Variants in PRKD1 observed in about 807,000 individuals in gnomAD.
PRKD1 encodes serine/threonine-protein kinase D1.
In PRKD1, 63 loss-of-function variants were observed where a neutral mutation model predicts 95.9. The observed-to-expected ratio is 0.66, with a 90% CI of 0.54 to 0.81. PRKD1 has a LOEUF of 0.81. Among genes scored for constraint, PRKD1 ranks in the 30% least tolerant of loss-of-function variants. The pLI is 0.00. For missense variants in PRKD1, 1,048 were observed against 1,165.3 expected, an observed-to-expected ratio of 0.90 and a Z score of 1.47; for synonymous variants, 425 against 423.1, an observed-to-expected ratio of 1.00 and a Z score of -0.05.
intron 1 of PRKD1, among the ~76,000 whole-genome samples, chr14:29,873,213 G>A (rs973414448): frequency 2.0e-5 from 3 of 152,142 alleles, no homozygotes; most frequent in Admixed American, 6.5e-5. Flanking sequence ...AGCCTCCTGA[G>A]TAGCTGGGAC....
chr14:29,892,487 T>C lies in PRKD1; in HGVS notation c.264+34762A>G, dbSNP rs540199053. On this transcript the variant is annotated intron_variant, in intron 1 of 17. Transcript: ENST00000331968. ...ACACATCATCTCTTTCAGAAGTTTG[T>C]TTTGCAGTTTCCATGTTGACAGATC... is the stretch of plus-strand genomic sequence containing the variant. Among the ~76,000 whole-genome samples, 3 of 152,020 alleles carry C rather than the reference T, an allele frequency of 2.0e-5. No homozygotes were observed. The South Asian group carries it at 6.2e-4, about 32-fold the overall frequency.
In PRKD1 at chr14:29,927,282, G is replaced by A. The variant is rs1426767621; in HGVS notation, c.231C>T (p.Val77=). 3 of 1,535,100 alleles carry A rather than the reference G, an allele frequency of 2.0e-6. No homozygotes were observed. Among genetic ancestry groups the A allele is most frequent in the South Asian group, 1.2e-5 (1 of 82,462 alleles). The change falls in exon 1 of 18, where the codon GTC becomes GTT. Residue 77 remains valine, a synonymous_variant. Transcript: ENST00000331968. ...DSSGDYSLAH[V]REMACSIVDQ... is the part of the protein sequence containing the mutation. Reference sequence around the variant, plus strand: ...CGACAATGGAGCAAGCCATCTCGCGGACGTGCGCCAGGCTGTAGTCCCCGG... The same window carrying A: ...CGACAATGGAGCAAGCCATCTCGCGAACGTGCGCCAGGCTGTAGTCCCCGG...
intron 1 of PRKD1, among the ~76,000 whole-genome samples, chr14:29,836,988 A>T (rs1891634695): frequency 6.6e-6 from 1 of 152,196 alleles, no homozygotes; most frequent in Admixed American, 6.5e-5. Context: ...GTTACCTTAC[A>T]TTCTGGCTTA....
At chr14:29,637,601 T>A (rs7146954) in intron 6 of PRKD1, among the ~76,000 whole-genome samples, 1 of 152,168 alleles carries the variant, frequency 6.6e-6, no homozygotes, top group Non-Finnish European at 1.5e-5. Context: ...CAACACCACA[T>A]GCCACAGAAA....
At chr14:29,732,164 C>A (rs751931349) in intron 1 of PRKD1, among the ~76,000 whole-genome samples, 41 of 152,070 alleles carry the variant, frequency 2.7e-4, no homozygotes, top group Non-Finnish European at 5.3e-4. Flanking sequence ...TGAGTCACTG[C>A]GCTGGACCAA....
chr14:29,720,990 T>G lies in PRKD1; in HGVS notation c.403+4546A>C, dbSNP rs369719443. Reference sequence around the variant, plus strand: ...GGATAAAGGAAATGTCATCGCACTCTCACATAGCTGTAGCTCTCCTGAGAG... The same window carrying G: ...GGATAAAGGAAATGTCATCGCACTCGCACATAGCTGTAGCTCTCCTGAGAG... On this transcript the variant is annotated intron_variant, in intron 2 of 17. Transcript: ENST00000331968. 2.6e-5 allele frequency among the ~76,000 whole-genome samples: 4 copies of G among 152,202 alleles called. No homozygotes were observed. In the East Asian group the frequency reaches 7.7e-4, roughly 29 times the overall value.
intron 2 of PRKD1, among the ~76,000 whole-genome samples, chr14:29,674,867 G>A (rs189498709): frequency 1.3e-5 from 2 of 152,336 alleles, no homozygotes; most frequent in African/African-American, 4.8e-5. Flanking sequence ...TTTGCAGCTA[G>A]AGACACAGGG....
At chr14:29,669,241 T>A (rs973763443) in intron 2 of PRKD1, among the ~76,000 whole-genome samples, 1 of 152,250 alleles carries the variant, frequency 6.6e-6, no homozygotes, top group African/African-American at 2.4e-5. Flanking sequence ...ATGAGCTCCA[T>A]GTTTAGAAAT....
chr14:29,629,614 T>A (rs1182977576), intron 10 of PRKD1, among the ~76,000 whole-genome samples: 1 of 152,210 alleles, frequency 6.6e-6, no homozygotes, highest in Non-Finnish European at 1.5e-5. Context: ...AGAGGTTAAT[T>A]CATAGGTTTC....
chr14:29,677,567 TG>T (rs1883303550), intron 2 of PRKD1, among the ~76,000 whole-genome samples: 1 of 152,208 alleles, frequency 6.6e-6, no homozygotes, highest in African/African-American at 2.4e-5. Flanking sequence ...AAGGCAGTCC[TG>T]TTTTTTGTTG....
intron 1 of PRKD1, among the ~76,000 whole-genome samples, chr14:29,777,098 A>G (rs1439842902): frequency 3.3e-5 from 5 of 152,340 alleles, no homozygotes; most frequent in Admixed American, 2.0e-4. Context: ...AAATGCTGAG[A>G]GATTTTGTCA....
intron 1 of PRKD1, among the ~76,000 whole-genome samples, chr14:29,881,119 T>G (rs972509576): frequency 2.0e-5 from 3 of 152,028 alleles, no homozygotes; most frequent in African/African-American, 7.2e-5. Context: ...GGGCCAGGGG[T>G]GGAATGATAT....
chr14:29,625,727 T>G (rs991960058), intron 12 of PRKD1, among the ~76,000 whole-genome samples: 3 of 152,138 alleles, frequency 2.0e-5, no homozygotes, highest in African/African-American at 7.2e-5. Context: ...TAGAACTTAA[T>G]TACTTTTTAA....
intron 2 of PRKD1, among the ~76,000 whole-genome samples, chr14:29,674,206 C>A (rs1382844373): frequency 6.6e-6 from 1 of 152,072 alleles, no homozygotes; most frequent in Non-Finnish European, 1.5e-5. Flanking sequence ...GTTTCTAAGT[C>A]TGTTGCCAAT....
intron 1 of PRKD1, among the ~76,000 whole-genome samples, chr14:29,781,949 T>A (rs1889065812): frequency 6.6e-6 from 1 of 152,198 alleles, no homozygotes; most frequent in Non-Finnish European, 1.5e-5. Flanking sequence ...GTTTTCAAAT[T>A]CTTCTTCTGT....
chr14:29,845,676 C>T (rs1217986895), intron 1 of PRKD1, among the ~76,000 whole-genome samples: 1 of 152,148 alleles, frequency 6.6e-6, no homozygotes, highest in Non-Finnish European at 1.5e-5. Flanking sequence ...ACCCATGTAG[C>T]ATTTGTAGTA....
rs573691536 is a variant in PRKD1, at chr14:29,648,530, T to A, written c.697-9626A>T. On this transcript the variant is annotated intron_variant, in intron 4 of 17. Transcript: ENST00000331968. Reference sequence around the variant, plus strand: ...TGACAACCATTCACTAAAAAGTGAATCTGGGGACTATTTTTTCCAGGTTTG... The same window carrying A: ...TGACAACCATTCACTAAAAAGTGAAACTGGGGACTATTTTTTCCAGGTTTG... Among the ~76,000 whole-genome samples, 12 of 152,308 alleles carry A rather than the reference T, an allele frequency of 7.9e-5. 1 individual carries two copies. In the South Asian group the frequency reaches 2.3e-3, roughly 29 times the overall value.
At position 29,624,438 on chromosome 14, in the gene PRKD1, A is replaced by T. The variant is rs968197707; in HGVS notation, c.1799-180T>A. ...AAGATTTCATTATTCTAAATCAAATATGTGCTTTAAAAATAGCCATAATTT... is the reference window on the plus strand; with the variant it reads ...AAGATTTCATTATTCTAAATCAAATTTGTGCTTTAAAAATAGCCATAATTT... On this transcript the variant is annotated intron_variant, in intron 12 of 17. Coordinates refer to ENST00000331968, the MANE Select transcript of PRKD1 (RefSeq NM_002742.3). Among the ~76,000 whole-genome samples, 5 of 152,252 alleles carry T rather than the reference A, an allele frequency of 3.3e-5. No homozygotes were observed. In the South Asian group the frequency reaches 8.3e-4, roughly 25 times the overall value.
chr14:29,927,314 C>T lies in PRKD1; in HGVS notation c.199G>A (p.Asp67Asn), dbSNP rs1223296694. 13 of 1,558,856 alleles carry T rather than the reference C, an allele frequency of 8.3e-6. No homozygotes were observed. The highest frequency in any genetic ancestry group is 1.0e-5 in the Non-Finnish European group (12 of 1,154,444). Residue 67 changes from aspartate (D) to asparagine (N), a missense_variant, in exon 1 of 18, where the codon GAC becomes AAC. Coordinates refer to ENST00000331968, the MANE Select transcript of PRKD1 (RefSeq NM_002742.3). The stretch of plus-strand genomic sequence containing the variant: ...GCCAGGCTGTAGTCCCCGGACGAGT[C>T]CTGCAGCAGCAGCACCGGCTCACGG... ...LSREPVLLLQ[D>N]SSGDYSLAHV...
Sources: gnomAD v4.1 joint callset for allele counts (sites outside exome capture counted in the v4.1 genomes callset) on GRCh38, gnomAD v4.1.1 for gene constraint, MANE v1.5 for transcripts, NCBI Gene and HGNC (gene_info 2026-07-23, HGNC 2026-07-21) for gene names.